CA12: variants seen among roughly 807,000 people sequenced by gnomAD.
CA12 encodes the protein carbonic anhydrase 12, also known as carbonate dehydratase XII.
In CA12, 36 loss-of-function variants were observed where a neutral mutation model predicts 46.8. The ratio of observed to expected loss-of-function variants is 0.77; its 90% CI spans 0.59 to 1.02. CA12 has a LOEUF of 1.02. Ranked by LOEUF, CA12 falls within the 50% of genes least tolerant of loss-of-function variation. The pLI, the probability that CA12 is intolerant of heterozygous loss-of-function variation, is 0.00. For missense variants in CA12, 436 were observed against 451.4 expected, an observed-to-expected ratio of 0.97 and a Z score of 0.31; for synonymous variants, 202 against 187.0, an observed-to-expected ratio of 1.08 and a Z score of -0.65.
chr15:63,337,456 TG>T (rs2039017661), intron 8 of CA12, among the ~76,000 whole-genome samples: 2 of 152,180 alleles, frequency 1.3e-5, no homozygotes. Context: ...CTTTTGTTTT[TG>T]TTTTTTGGTT....
intron 2 of CA12, among the ~76,000 whole-genome samples, chr15:63,361,129 G>A (rs1226522324): frequency 6.6e-6 from 1 of 152,156 alleles, no homozygotes; most frequent in East Asian, 1.9e-4. Context: ...GCTGTGGAAG[G>A]TAGCTCTTTG....
rs71131163 is a variant in CA12 at position 63,334,242 on chromosome 15, CTTTTTTTTTTTT to C, written c.874+4565_874+4576del. Among the ~76,000 whole-genome samples, 249 of 64,950 alleles carry C rather than the reference CTTTTTTTTTTTT, an allele frequency of 3.8e-3. 2 individuals are homozygous for C. In the South Asian group the frequency reaches 0.071, roughly 19 times the overall value. 42.6% of individuals were successfully genotyped at this position (64,950 alleles called of 152,430 possible). A position where few individuals can be genotyped will look rare whatever the true frequency, so the allele number is the denominator to read the frequency against. On this transcript the variant is annotated intron_variant, in intron 8 of 10. Transcript: ENST00000178638. ...TTCCAACTGCCACTTGGAAGAGGCA[CTTTTTTTTTTTT>C]TTTTTTTTTTTTTTTTTTTCAGATG...
intron 2 of CA12, among the ~76,000 whole-genome samples, chr15:63,352,959 T>C (rs1390683825): frequency 6.6e-6 from 1 of 152,136 alleles, no homozygotes; most frequent in Non-Finnish European, 1.5e-5. Flanking sequence ...CTCTAAATGC[T>C]CTCCTTCTTG....
chr15:63,336,696 C>T (rs1452881933), intron 8 of CA12, among the ~76,000 whole-genome samples: 4 of 139,620 alleles, frequency 2.9e-5, no homozygotes, highest in African/African-American at 5.3e-5. Flanking sequence ...GATTACCTGG[C>T]ATTTTGTGGC....
At chr15:63,342,203 T>C in intron 4 of CA12, 106 bp from the exon 5 acceptor site, 1 of 759,684 alleles carries the variant, frequency 1.3e-6, no homozygotes, top group Non-Finnish European at 2.3e-6. Flanking sequence ...CCCAGCCCCC[T>C]CAGCCCCCCA....
intron 2 of CA12, among the ~76,000 whole-genome samples, chr15:63,366,030 A>G (rs1353566306): frequency 1.3e-5 from 2 of 151,408 alleles, no homozygotes; most frequent in African/African-American, 4.9e-5. Context: ...AGTCCCAGCT[A>G]CTTGGGAGGC....
Position 63,345,755 on chromosome 15 carries a change from G to T in CA12, c.287-136C>A. On this transcript the variant is annotated intron_variant, in intron 3 of 10. Coordinates refer to ENST00000178638, the MANE Select transcript of CA12 (RefSeq NM_001218.5). The surrounding 1 kb of genome is among the most constrained non-coding windows in gnomAD (Gnocchi z 4.3). ...GAGAGAGGCAGGTGGATGGAGTGAG[G>T]TGCGGAGCAGAGATGCAGCCTAAAG... 8.6e-7 allele frequency: 1 copy of T among 1,158,254 alleles called. No homozygotes were observed. Among genetic ancestry groups the T allele is most frequent in the Non-Finnish European group, 1.2e-6 (1 of 804,398 alleles). The allele number at this position is 1,158,254 out of a possible 1,614,324, so 71.7% of individuals were successfully genotyped here. A position where few individuals can be genotyped will look rare whatever the true frequency, so the allele number is the denominator to read the frequency against.
At chr15:63,357,370 T>G (rs745804592) in intron 2 of CA12, among the ~76,000 whole-genome samples, 1 of 152,180 alleles carries the variant, frequency 6.6e-6, no homozygotes, top group Admixed American at 6.5e-5. Context: ...GGAACCACAT[T>G]TGGAGAATCC....
At chr15:63,336,543 CTTTTTTTTTT>C (rs71998323) in intron 8 of CA12, among the ~76,000 whole-genome samples, 1 of 86,182 alleles carries the variant, frequency 1.2e-5, no homozygotes, top group Non-Finnish European at 2.0e-5. Flanking sequence ...TCCAACCTGG[CTTTTTTTTTT>C]TTTTTTTTTT....
At chr15:63,370,231 C>T (rs1250813694) in intron 2 of CA12, among the ~76,000 whole-genome samples, 1 of 151,724 alleles carries the variant, frequency 6.6e-6, no homozygotes, top group Non-Finnish European at 1.5e-5. Context: ...GAGGCCGAGG[C>T]GGGAGGCTCA....
intron 2 of CA12, among the ~76,000 whole-genome samples, chr15:63,352,935 T>G (rs1388035139): frequency 6.6e-6 from 1 of 152,180 alleles, no homozygotes; most frequent in Non-Finnish European, 1.5e-5. Context: ...AAATGTTGAA[T>G]GAAGGAGAAA....
intron 2 of CA12, among the ~76,000 whole-genome samples, chr15:63,365,236 G>C (rs932963458): frequency 9.9e-5 from 15 of 152,198 alleles, no homozygotes; most frequent in Non-Finnish European, 2.1e-4. Flanking sequence ...TGATCCTGAT[G>C]GGGGGAAGAA....
In CA12 at chr15:63,340,165, G is replaced by C; in HGVS notation, c.747+123C>G. The C allele has an allele frequency of 8.8e-7, 1 of 1,138,898 alleles. No individual in the cohort carries two copies. Among genetic ancestry groups the C allele is most frequent in the Non-Finnish European group, 1.3e-6 (1 of 770,208 alleles). The allele number at this position is 1,138,898 out of a possible 1,614,324, so 70.5% of individuals were successfully genotyped here. On this transcript the variant is annotated intron_variant, in intron 7 of 10. Transcript: ENST00000178638. The surrounding 1 kb of genome is among the most constrained non-coding windows in gnomAD (Gnocchi z 4.4). ...GTGCTTTCAGACACCTGTGATATTT[G>C]GAGAGGTTTTGAAGAGCTGCCAATG...
intron 1 of CA12, among the ~76,000 whole-genome samples, chr15:63,377,342 C>T (rs1259023233): frequency 1.3e-5 from 2 of 152,158 alleles, no homozygotes; most frequent in South Asian, 4.1e-4. Flanking sequence ...TGTGGGGAAG[C>T]ACCTCACATC....
rs778620742 is a variant in CA12 at position 63,326,291 on chromosome 15, G to A, written c.1059C>T (p.His353=). Residue 353 remains histidine, a synonymous_variant, in exon 11 of 11, where the codon CAC becomes CAT. Transcript: ENST00000178638. ...CCCGGGAGCTCCGGGGACCTCAAGC[G>A]TGGGCCTCAGTCTCCATCTTGGTGG... ...KPATKMETEA[H]A is the part of the protein sequence containing the mutation. 53 of 1,613,682 alleles carry A rather than the reference G, an allele frequency of 3.3e-5. No individual in the cohort carries two copies. Among genetic ancestry groups the A allele is most frequent in the South Asian group, 1.1e-4 (10 of 91,076 alleles).
intron 2 of CA12, among the ~76,000 whole-genome samples, chr15:63,366,305 C>T (rs2039434799): frequency 6.6e-6 from 1 of 152,184 alleles, no homozygotes; most frequent in African/African-American, 2.4e-5. Context: ...CTTCTTTGCA[C>T]AGGCTGTCCC....
intron 8 of CA12, among the ~76,000 whole-genome samples, chr15:63,333,774 C>T (rs545724998): frequency 6.6e-6 from 1 of 152,228 alleles, no homozygotes; most frequent in East Asian, 1.9e-4. Flanking sequence ...TATAGATTTG[C>T]CCTTGCGGTT....
At chr15:63,363,428 G>C (rs945645400) in intron 2 of CA12, among the ~76,000 whole-genome samples, 1 of 152,148 alleles carries the variant, frequency 6.6e-6, no homozygotes, top group African/African-American at 2.4e-5. Flanking sequence ...CCTCCCCTGG[G>C]CCAGGCTATG....
At chr15:63,356,097 T>C (rs2039292067) in intron 2 of CA12, among the ~76,000 whole-genome samples, 1 of 152,168 alleles carries the variant, frequency 6.6e-6, no homozygotes, top group Non-Finnish European at 1.5e-5. Flanking sequence ...CTTAATCTCT[T>C]TTTAAAAATT....
Sources: gnomAD v4.1 joint callset for allele counts (sites outside exome capture counted in the v4.1 genomes callset) on GRCh38, gnomAD v4.1.1 for gene constraint, Gnocchi (gnomAD v3.1) non-coding constraint, MANE v1.5 for transcripts, NCBI Gene and HGNC (gene_info 2026-07-23, HGNC 2026-07-21) for gene names.